ZNF487: variants seen among roughly 807,000 people sequenced by gnomAD.
The protein encoded by ZNF487 is zinc finger protein 487, also known as KRAB domain only 1.
ZNF487 carries 4 observed loss-of-function variants against 3.0 expected under a neutral mutation model. The observed-to-expected ratio is 1.35, with a 90% confidence interval of 0.66 to 3.08. The LOEUF is 3.08. Among genes scored for constraint, ZNF487 ranks in the 30% most tolerant of loss-of-function variants. The pLI, the probability that ZNF487 is intolerant of heterozygous loss-of-function variation, is 0.01. For missense variants in ZNF487, 146 were observed against 98.7 expected (o/e 1.48, Z -2.03); for synonymous variants, 55 against 34.6 (o/e 1.59, Z -2.06).
chr10:43,455,775 G>A (rs991842201), intron 1 of ZNF487, among the ~76,000 whole-genome samples: 1 of 152,250 alleles, frequency 6.6e-6, no homozygotes, highest in East Asian at 1.9e-4. Context: ...TGGCCCTTTG[G>A]CGCGTAGGAG....
chr10:43,507,568 C>T, the ZNF487 span, among the ~76,000 whole-genome samples: 1 of 152,212 alleles, frequency 6.6e-6, no homozygotes, highest in Non-Finnish European at 1.5e-5. Flanking sequence ...GTACCAGCCT[C>T]TCCTGCTGGA....
chr10:43,463,553 T>A (rs1384330261), intron 1 of ZNF487, among the ~76,000 whole-genome samples: 22 of 143,894 alleles, frequency 1.5e-4, no homozygotes, highest in South Asian at 2.2e-4. Flanking sequence ...AAAAAAAAAA[T>A]TTTTTTTTTT....
chr10:43,480,362 T>C (rs2132153025), intron 3 of ZNF487, among the ~76,000 whole-genome samples: 1 of 151,612 alleles, frequency 6.6e-6, no homozygotes, highest in East Asian at 2.0e-4. Context: ...CCCATCAGCC[T>C]CCCAAAGTGC....
chr10:43,493,181 G>T, the ZNF487 span, among the ~76,000 whole-genome samples: 1 of 152,146 alleles, frequency 6.6e-6, no homozygotes, highest in Non-Finnish European at 1.5e-5. Context: ...GGTGAGCTGA[G>T]ATTGCTCCAT....
At chr10:43,514,828 C>G in the ZNF487 span, among the ~76,000 whole-genome samples, 1 of 152,204 alleles carries the variant, frequency 6.6e-6, no homozygotes, top group Non-Finnish European at 1.5e-5. Flanking sequence ...ATCTGTTTCA[C>G]AAGGCATTGG....
At chr10:43,465,124 G>T (rs1387331843) in intron 1 of ZNF487, among the ~76,000 whole-genome samples, 1 of 122,086 alleles carries the variant, frequency 8.2e-6, no homozygotes, top group Non-Finnish European at 1.7e-5. Flanking sequence ...CGGATGGGGC[G>T]GCTGGCCGGG....
the ZNF487 span, among the ~76,000 whole-genome samples, chr10:43,490,983 C>CTTTT: frequency 7.5e-6 from 1 of 132,544 alleles, no homozygotes; most frequent in Non-Finnish European, 1.5e-5. Context: ...CTTTTTTTTT[C>CTTTT]TTTTTTTTTT....
At chr10:43,515,459 G>C in the ZNF487 span, among the ~76,000 whole-genome samples, 1 of 152,194 alleles carries the variant, frequency 6.6e-6, no homozygotes, top group Non-Finnish European at 1.5e-5. Flanking sequence ...TGGGGAAGCT[G>C]TTTCTTCTGG....
chr10:43,514,136 G>T, the ZNF487 span, among the ~76,000 whole-genome samples: 1 of 151,970 alleles, frequency 6.6e-6, no homozygotes, highest in African/African-American at 2.4e-5. Context: ...TTGTTTTTTT[G>T]TTTGTTTTTG....
chr10:43,493,709 A>AAAAAAAAATATATAT, the ZNF487 span, among the ~76,000 whole-genome samples: 3 of 43,716 alleles, frequency 6.9e-5, no homozygotes, highest in African/African-American at 1.7e-4. Context: ...AAAAAAAAAA[A>AAAAAAAAATATATAT]ATATATATAT....
At chr10:43,460,116 A>AT (rs1201109244) in intron 1 of ZNF487, among the ~76,000 whole-genome samples, 1 of 151,648 alleles carries the variant, frequency 6.6e-6, no homozygotes, top group Non-Finnish European at 1.5e-5. Flanking sequence ...AATTATTATT[A>AT]TTTTTTTAGC....
At chr10:43,443,463 T>G (rs1210724898) in intron 1 of ZNF487, among the ~76,000 whole-genome samples, 1 of 149,598 alleles carries the variant, frequency 6.7e-6, no homozygotes, top group Non-Finnish European at 1.5e-5. Flanking sequence ...AACCTCCCCC[T>G]ACCGGGTTCA....
intron 3 of ZNF487, among the ~76,000 whole-genome samples, chr10:43,479,098 CACACATATAT>C (rs200479593): frequency 0.014 from 1,690 of 119,068 alleles, 17 homozygotes; most frequent in Admixed American, 0.027. Flanking sequence ...TATATATATA[CACACATATAT>C]ACACATATAT....
the ZNF487 span, among the ~76,000 whole-genome samples, chr10:43,514,573 C>T: frequency 4.0e-4 from 61 of 152,324 alleles, no homozygotes; most frequent in Middle Eastern, 6.8e-3. Flanking sequence ...TTAGCCAATG[C>T]TAGAGCTCTA....
the ZNF487 span, among the ~76,000 whole-genome samples, chr10:43,504,968 A>G: frequency 1.1e-4 from 17 of 151,928 alleles, no homozygotes; most frequent in African/African-American, 4.1e-4. Context: ...AGCCTCCCAA[A>G]GTGTTGGGAT....
chr10:43,497,385 T>C, the ZNF487 span, among the ~76,000 whole-genome samples: 41 of 152,294 alleles, frequency 2.7e-4, no homozygotes, highest in African/African-American at 7.9e-4. Flanking sequence ...GCCGTGTAGT[T>C]TCTGAATATT....
At chr10:43,501,723 C>T in the ZNF487 span, among the ~76,000 whole-genome samples, 1 of 150,922 alleles carries the variant, frequency 6.6e-6, no homozygotes, top group Non-Finnish European at 1.5e-5. Flanking sequence ...GCTTGGGCAA[C>T]AGAGTGAGAC....
At chr10:43,474,246 G>A (rs966555120) in intron 1 of ZNF487, among the ~76,000 whole-genome samples, 13 of 151,902 alleles carry the variant, frequency 8.6e-5, no homozygotes, top group African/African-American at 3.1e-4. Context: ...CCGAGGTCAG[G>A]AGTTTGAGAT....
the ZNF487 span, among the ~76,000 whole-genome samples, chr10:43,505,456 T>C: frequency 6.6e-6 from 1 of 150,986 alleles, no homozygotes; most frequent in Admixed American, 6.6e-5. Flanking sequence ...GGCTAATTTT[T>C]GTATTTTTAG....
Sources: gnomAD v4.1 joint callset for allele counts (sites outside exome capture counted in the v4.1 genomes callset) on GRCh38, gnomAD v4.1.1 for gene constraint, MANE v1.5 for transcripts, NCBI Gene and HGNC (gene_info 2026-07-23, HGNC 2026-07-21) for gene names.